The following REEP1 variants were observed in gnomAD, a reference collection of about 807,000 sequenced individuals.
The protein encoded by REEP1 is receptor accessory protein 1.
In REEP1, 22 loss-of-function variants were observed where a neutral mutation model predicts 40.3. The observed-to-expected ratio is 0.55, with a 90% CI of 0.39 to 0.78. The LOEUF (loss-of-function observed/expected upper bound fraction) is 0.78, where lower values mean the gene tolerates loss of function less well. REEP1 is among the 30% of genes least tolerant of loss of function. REEP1 has a pLI of 0.00. For synonymous variants in REEP1, 116 were observed against 139.2 expected (o/e 0.83, Z 1.17); for missense variants, 280 against 361.1 (o/e 0.78, Z 1.82).
intron 1 of REEP1, among the ~76,000 whole-genome samples, chr2:86,325,302 T>C (rs906918788): frequency 2.0e-5 from 3 of 152,196 alleles, no homozygotes; most frequent in African/African-American, 7.2e-5. Flanking sequence ...TGTTCCCTTG[T>C]GTGTTTCCCC....
Position 86,216,839 on chromosome 2 carries a change from T to A in REEP1, c.*200A>T. Reference sequence around the variant, plus strand: ...CACCCCCGCCCCTACTACCTTTCCCTTTAGCCTCTCCCCAGCAAAATAAAG... The same window carrying A: ...CACCCCCGCCCCTACTACCTTTCCCATTAGCCTCTCCCCAGCAAAATAAAG... On this transcript the variant is annotated 3_prime_UTR_variant, in exon 9 of 9. Transcript: ENST00000538924. 1.3e-4 allele frequency: 63 copies of A among 476,420 alleles called. No individual in the cohort carries two copies. The highest frequency in any genetic ancestry group is 1.7e-4 in the Non-Finnish European group (44 of 258,644). The allele number at this position is 476,420 out of a possible 1,614,324, so 29.5% of individuals were successfully genotyped here.
intron 1 of REEP1, among the ~76,000 whole-genome samples, chr2:86,330,369 G>A (rs971211533): frequency 6.6e-6 from 1 of 151,456 alleles, no homozygotes. Flanking sequence ...CCAGGTGCAG[G>A]TACTTATGAG....
At chr2:86,252,567 T>C (rs908156475) in intron 4 of REEP1, among the ~76,000 whole-genome samples, 4 of 152,220 alleles carry the variant, frequency 2.6e-5, no homozygotes, top group African/African-American at 9.6e-5. Context: ...GAGGATTAAA[T>C]GAGGTAATTC....
chr2:86,332,436 AACACACACACACAC>A (rs55793634), intron 1 of REEP1, among the ~76,000 whole-genome samples: 10 of 136,136 alleles, frequency 7.3e-5, no homozygotes, highest in South Asian at 5.1e-4. Flanking sequence ...CTTTCCTGGA[AACACACACACACAC>A]ACACACACAC....
At chr2:86,241,065 C>T (rs1372766146) in intron 5 of REEP1, among the ~76,000 whole-genome samples, 1 of 152,192 alleles carries the variant, frequency 6.6e-6, no homozygotes. Flanking sequence ...AGACCAAGCC[C>T]GGCCATCTGA....
At chr2:86,271,579 C>T (rs1163436207) in intron 2 of REEP1, among the ~76,000 whole-genome samples, 2 of 152,188 alleles carry the variant, frequency 1.3e-5, no homozygotes, top group Non-Finnish European at 2.9e-5. Flanking sequence ...TCTGGTGAAT[C>T]CATGTTGTCT....
intron 1 of REEP1, among the ~76,000 whole-genome samples, chr2:86,329,960 A>T (rs1469024178): frequency 6.6e-6 from 1 of 152,212 alleles, no homozygotes; most frequent in African/African-American, 2.4e-5. Flanking sequence ...GGGACCTAGG[A>T]GAGGCTTCAT....
chr2:86,335,447 G>C (rs560019579), intron 1 of REEP1, among the ~76,000 whole-genome samples: 221 of 152,202 alleles, frequency 1.5e-3, no homozygotes, highest in Non-Finnish European at 2.5e-3. Context: ...TAAATTCTCT[G>C]AAGTCTCGGT....
chr2:86,276,460 A>G (rs1677761446), intron 2 of REEP1, among the ~76,000 whole-genome samples: 1 of 152,210 alleles, frequency 6.6e-6, no homozygotes, highest in Non-Finnish European at 1.5e-5. Context: ...CTTCTCATCA[A>G]GGACCCTCCT....
chr2:86,254,438 A>T (rs1676438145), intron 4 of REEP1, among the ~76,000 whole-genome samples: 1 of 152,196 alleles, frequency 6.6e-6, no homozygotes, highest in South Asian at 2.1e-4. Context: ...AATTGAGTGA[A>T]TTTTTTCTTT....
At chr2:86,279,658 G>A (rs1037266053) in intron 2 of REEP1, among the ~76,000 whole-genome samples, 3 of 152,198 alleles carry the variant, frequency 2.0e-5, no homozygotes, top group African/African-American at 7.2e-5. Context: ...TGAGCCTGAG[G>A]GAGATATGGT....
intron 1 of REEP1, among the ~76,000 whole-genome samples, chr2:86,288,057 C>T (rs1553466192): frequency 6.8e-6 from 1 of 147,856 alleles, no homozygotes; most frequent in Non-Finnish European, 1.5e-5. Flanking sequence ...AGTCTCGCTC[C>T]CATTGTGCAG....
chr2:86,246,980 C>T (rs996736960), intron 5 of REEP1, among the ~76,000 whole-genome samples: 3 of 152,098 alleles, frequency 2.0e-5, no homozygotes, highest in East Asian at 1.9e-4. Context: ...GGATTACAGG[C>T]GTGAGCCACC....
intron 1 of REEP1, among the ~76,000 whole-genome samples, chr2:86,322,379 A>G (rs1225929965): frequency 3.9e-5 from 6 of 152,112 alleles, no homozygotes. Flanking sequence ...ACCTATCTCT[A>G]AAAATAAAAG....
At chr2:86,220,623 C>G (rs1044195062) in intron 7 of REEP1, among the ~76,000 whole-genome samples, 1 of 152,028 alleles carries the variant, frequency 6.6e-6, no homozygotes, top group Non-Finnish European at 1.5e-5. Context: ...TATTCAATTC[C>G]AAGCATCCTG....
intron 1 of REEP1, among the ~76,000 whole-genome samples, chr2:86,311,136 G>C (rs1259363511): frequency 2.0e-5 from 3 of 152,106 alleles, no homozygotes; most frequent in African/African-American, 7.2e-5. Flanking sequence ...AGTTCCCCTA[G>C]GACTAAATTA....
At chr2:86,236,738 A>AT (rs139892865) in intron 5 of REEP1, among the ~76,000 whole-genome samples, 4,564 of 145,744 alleles carry the variant, frequency 0.031, 154 homozygotes, top group African/African-American at 0.089. Flanking sequence ...ATTTTCATCA[A>AT]TTTTTTTTTT....
At chr2:86,235,192 G>A (rs1675249762) in intron 5 of REEP1, among the ~76,000 whole-genome samples, 1 of 152,202 alleles carries the variant, frequency 6.6e-6, no homozygotes, top group South Asian at 2.1e-4. Flanking sequence ...AGCGGAGAAC[G>A]ACAAATGTAC....
intron 1 of REEP1, among the ~76,000 whole-genome samples, chr2:86,301,054 G>GACC (rs1679237863): frequency 2.0e-5 from 3 of 152,186 alleles, no homozygotes; most frequent in Admixed American, 2.0e-4. Flanking sequence ...TGAATGAGGT[G>GACC]ACCACCAAAC....
Sources: gnomAD v4.1 joint callset for allele counts (sites outside exome capture counted in the v4.1 genomes callset) on GRCh38, gnomAD v4.1.1 for gene constraint, MANE v1.5 for transcripts, NCBI Gene and HGNC (gene_info 2026-07-23, HGNC 2026-07-21) for gene names.